GABRB3: variants seen among roughly 807,000 people sequenced by gnomAD.
GABRB3 encodes the protein gamma-aminobutyric acid receptor subunit beta-3.
A neutral mutation model predicts 52.1 loss-of-function variants in GABRB3; 14 were observed. The ratio of observed to expected loss-of-function variants is 0.27; its 90% CI spans 0.18 to 0.42. The LOEUF (loss-of-function observed/expected upper bound fraction) is 0.42, where lower values mean the gene tolerates loss of function less well. Ranked by LOEUF, GABRB3 falls within the 10% of genes least tolerant of loss-of-function variation. The pLI is 1.00. For missense variants in GABRB3, 307 were observed against 609.1 expected, an observed-to-expected ratio of 0.50 and a Z score of 5.22; for synonymous variants, 260 against 232.3, an observed-to-expected ratio of 1.12 and a Z score of -1.08.
chr15:26,638,164 C>T (rs575040179), intron 3 of GABRB3, among the ~76,000 whole-genome samples: 1 of 152,284 alleles, frequency 6.6e-6, no homozygotes, highest in South Asian at 2.1e-4. Context: ...CTCATCAGCC[C>T]ACCAGGGTTC....
intron 3 of GABRB3, among the ~76,000 whole-genome samples, chr15:26,694,312 G>A (rs1888671854): frequency 6.6e-6 from 1 of 152,092 alleles, no homozygotes; most frequent in South Asian, 2.1e-4. Context: ...TCACAGGCCA[G>A]GGACACAGAC....
chr15:26,732,434 C>T (rs8036016), intron 3 of GABRB3, among the ~76,000 whole-genome samples: 42,248 of 152,014 alleles, frequency 0.28, 6,099 homozygotes, highest in African/African-American at 0.3. Flanking sequence ...TCCATTAACA[C>T]AAAAACTTCC....
chr15:26,768,766 A>G (rs891120885), intron 3 of GABRB3, among the ~76,000 whole-genome samples: 1 of 152,198 alleles, frequency 6.6e-6, no homozygotes, highest in African/African-American at 2.4e-5. Context: ...AGTTACACAA[A>G]ACAAAATTTT....
chr15:26,623,466 T>C (rs540659339), intron 3 of GABRB3, among the ~76,000 whole-genome samples: 24 of 152,302 alleles, frequency 1.6e-4, no homozygotes, highest in Non-Finnish European at 2.9e-4. Context: ...GAGAGACGGC[T>C]AGCAACTCTC....
intron 4 of GABRB3, among the ~76,000 whole-genome samples, chr15:26,618,114 C>T (rs1238741027): frequency 1.3e-5 from 2 of 152,040 alleles, no homozygotes; most frequent in African/African-American, 2.4e-5. Context: ...AGATTCAATG[C>T]CATCCCCATC....
At chr15:26,717,702 G>A (rs936393770) in intron 3 of GABRB3, among the ~76,000 whole-genome samples, 3 of 152,118 alleles carry the variant, frequency 2.0e-5, no homozygotes, top group Non-Finnish European at 4.4e-5. Flanking sequence ...TCTCTTAGGG[G>A]TACTGATTTT....
At chr15:26,605,053 G>T (rs1164578550) in intron 4 of GABRB3, among the ~76,000 whole-genome samples, 1 of 152,072 alleles carries the variant, frequency 6.6e-6, no homozygotes, top group Non-Finnish European at 1.5e-5. Flanking sequence ...TGTATAAGGT[G>T]CTCAAACAAC....
intron 4 of GABRB3, among the ~76,000 whole-genome samples, chr15:26,607,601 A>G (rs1258521418): frequency 6.6e-6 from 1 of 152,016 alleles, no homozygotes; most frequent in Non-Finnish European, 1.5e-5. Context: ...AACAAAACAA[A>G]ACAAAACAAA....
intron 3 of GABRB3, among the ~76,000 whole-genome samples, chr15:26,671,826 C>T (rs775446862): frequency 1.3e-5 from 2 of 152,132 alleles, no homozygotes; most frequent in Non-Finnish European, 2.9e-5. Context: ...GTGGTGAGGG[C>T]TCTGAGCCTG....
chr15:26,769,714 G>A (rs1378966754), intron 3 of GABRB3, among the ~76,000 whole-genome samples: 1 of 151,992 alleles, frequency 6.6e-6, no homozygotes, highest in Non-Finnish European at 1.5e-5. Flanking sequence ...TTTCATGAAA[G>A]TTTCCACATC....
intron 8 of GABRB3, among the ~76,000 whole-genome samples, chr15:26,554,051 T>TTA (rs1303340262): frequency 1.6e-4 from 7 of 44,244 alleles, no homozygotes; most frequent in South Asian, 5.5e-4. Context: ...TTATTTATAT[T>TTA]TATTTATATA....
intron 3 of GABRB3, among the ~76,000 whole-genome samples, chr15:26,676,173 A>G (rs1272713762): frequency 3.3e-5 from 5 of 152,244 alleles, no homozygotes; most frequent in African/African-American, 1.2e-4. Flanking sequence ...TTGTTAAGCA[A>G]TGAATTCTTC....
In GABRB3 at chr15:26,772,997, C is replaced by A; in HGVS notation, c.-35G>T. The A allele has an allele frequency of 7.5e-7, 1 of 1,336,186 alleles. No homozygotes were observed. 82.8% of individuals were successfully genotyped at this position (1,336,186 alleles called of 1,614,324 possible). A position where few individuals can be genotyped will look rare whatever the true frequency, so the allele number is the denominator to read the frequency against. On this transcript the variant is annotated 5_prime_UTR_variant, in exon 1 of 9. Coordinates refer to ENST00000311550, the MANE Select transcript of GABRB3 (RefSeq NM_000814.6). ...GCGCCCCGGCACGGGGGAGGGGGCG[C>A]CCCGCCGCCGTCGCGACCCGCAGCC...
intron 3 of GABRB3, among the ~76,000 whole-genome samples, chr15:26,661,283 TACACATGCACATAC>T (rs1451929376): frequency 2.0e-5 from 3 of 151,970 alleles, no homozygotes; most frequent in Non-Finnish European, 4.4e-5. Context: ...TGCACATGCC[TACACATGCACATAC>T]ACACATGCAT....
chr15:26,621,538 G>C lies in GABRB3; in HGVS notation c.241-4C>G, dbSNP rs772590558. ...AATACATGGTTAAGGTATAATCCTGGGGGGAAAAGAAAAGAAAGAAAGTTA... is the reference window on the plus strand; with the variant it reads ...AATACATGGTTAAGGTATAATCCTGCGGGGAAAAGAAAAGAAAGAAAGTTA... On this transcript the variant is annotated splice_polypyrimidine_tract_variant and splice_region_variant and intron_variant, in intron 3 of 8. Coordinates refer to ENST00000311550, the MANE Select transcript of GABRB3 (RefSeq NM_000814.6). The surrounding 1 kb of genome is among the most constrained non-coding windows in gnomAD (Gnocchi z 4.1). The C allele has an allele frequency of 1.2e-6, 2 of 1,608,110 alleles. No homozygotes were observed. The highest frequency in any genetic ancestry group is 8.5e-7 in the Non-Finnish European group (1 of 1,174,864).
chr15:26,649,650 A>G (rs1887131850), intron 3 of GABRB3, among the ~76,000 whole-genome samples: 1 of 72,460 alleles, frequency 1.4e-5, no homozygotes, highest in South Asian at 4.1e-4. Flanking sequence ...AGCAGGACAG[A>G]GCCAAGGCTG....
chr15:26,749,514 T>C (rs986453461), intron 3 of GABRB3, among the ~76,000 whole-genome samples: 4 of 152,234 alleles, frequency 2.6e-5, no homozygotes, highest in African/African-American at 9.6e-5. Context: ...TAAAATGTTC[T>C]ATAAGTGTCA....
intron 8 of GABRB3, among the ~76,000 whole-genome samples, chr15:26,554,127 G>GTATATATATATATATAAAGTATA (rs1177122496): frequency 3.5e-4 from 8 of 22,582 alleles, no homozygotes; most frequent in South Asian, 3.4e-3. Context: ...AAGTGTGTGT[G>GTATATATATATATATAAAGTATA]TATATATATA....
rs1890227712 is a variant in GABRB3 at position 26,567,627 on chromosome 15, C to A, written c.789G>T (p.Val263=). 6.2e-7 allele frequency: 1 copy of A among 1,613,954 alleles called. No homozygotes were observed. Among genetic ancestry groups the A allele is most frequent in the South Asian group, 1.1e-5 (1 of 91,088 alleles). ...PSILITILSW[V]SFWINYDASA... ...ATGCATCATAATTGATCCAGAAGGA[C>A]ACCCACGACAGAATCGTTATCAGTA... Residue 263 remains valine, a synonymous_variant, in exon 7 of 9, where the codon GTG becomes GTT. Transcript: ENST00000311550.
Sources: allele counts gnomAD v4.1 joint callset (sites outside exome capture counted in the v4.1 genomes callset), GRCh38; gene constraint gnomAD v4.1.1; non-coding constraint Gnocchi (gnomAD v3.1); transcripts MANE v1.5; gene names NCBI Gene and HGNC (gene_info 2026-07-23, HGNC 2026-07-21).